Variants in DENND5A observed in about 807,000 individuals in gnomAD.
The protein encoded by DENND5A is DENN domain containing 5A, also known as DENN domain-containing protein 5A.
DENND5A carries 64 observed loss-of-function variants against 140.3 expected under a neutral mutation model. The ratio of observed to expected loss-of-function variants is 0.46; its 90% CI spans 0.37 to 0.56. DENND5A has a LOEUF of 0.56. Ranked by LOEUF, DENND5A falls within the 20% of genes least tolerant of loss-of-function variation. The pLI, the probability that DENND5A is intolerant of heterozygous loss-of-function variation, is 0.00. For missense variants in DENND5A, 1,292 were observed against 1,593.8 expected (o/e 0.81, Z 3.22); for synonymous variants, 605 against 607.7 (o/e 1.00, Z 0.07).
chr11:9,230,230 CTTTTTTTTTTTTTTT>C (rs71062817), intron 1 of DENND5A, among the ~76,000 whole-genome samples: 3 of 52,062 alleles, frequency 5.8e-5, no homozygotes, highest in African/African-American at 1.8e-4. Flanking sequence ...AAAACTAATG[CTTTTTTTTTTTTTTT>C]TTTTTTTTTT....
chr11:9,182,337 C>A (rs754871845), intron 5 of DENND5A, among the ~76,000 whole-genome samples: 4 of 152,032 alleles, frequency 2.6e-5, no homozygotes, highest in African/African-American at 9.7e-5. Flanking sequence ...TAACAAAAAA[C>A]CCCCACAGTA....
intron 1 of DENND5A, 46 bp from the exon 2 acceptor site, chr11:9,207,678 A>C: frequency 7.2e-7 from 1 of 1,391,902 alleles, no homozygotes; most frequent in Non-Finnish European, 1.0e-6. Flanking sequence ...AAGCAGTGTT[A>C]TTCAAACTTT....
intron 1 of DENND5A, among the ~76,000 whole-genome samples, chr11:9,232,427 G>C (rs1356133003): frequency 6.6e-6 from 1 of 152,040 alleles, no homozygotes; most frequent in African/African-American, 2.4e-5. Context: ...CAAAAGCCCT[G>C]AATAGATACT....
chr11:9,242,861 G>C (rs996642327), intron 1 of DENND5A: 6 of 151,304 alleles, frequency 4.0e-5, no homozygotes, highest in African/African-American at 1.5e-4. Context: ...AGGCCGAGGC[G>C]GGTGGATAAC....
At chr11:9,149,157 C>T (rs540530535) in intron 15 of DENND5A, among the ~76,000 whole-genome samples, 6 of 152,266 alleles carry the variant, frequency 3.9e-5, no homozygotes, top group Non-Finnish European at 7.3e-5. Context: ...TTCAGTGGGT[C>T]CCATGAATAC....
intron 5 of DENND5A, among the ~76,000 whole-genome samples, chr11:9,182,781 A>T (rs1244778675): frequency 6.6e-6 from 1 of 152,200 alleles, no homozygotes; most frequent in African/African-American, 2.4e-5. Context: ...GGAGGAATAG[A>T]AAGAGACTGA....
intron 1 of DENND5A, among the ~76,000 whole-genome samples, chr11:9,230,741 C>T (rs986405706): frequency 7.2e-5 from 11 of 151,986 alleles, no homozygotes; most frequent in African/African-American, 2.7e-4. Flanking sequence ...ATCTGTAATC[C>T]CAGAATTTTG....
At chr11:9,213,846 G>GGGGACAA (rs1282167252) in intron 1 of DENND5A, among the ~76,000 whole-genome samples, 1 of 147,028 alleles carries the variant, frequency 6.8e-6, no homozygotes, top group Non-Finnish European at 1.5e-5. Context: ...GAGCCAGGGA[G>GGGGACAA]GGGACAAGGG....
chr11:9,141,127 AAAATAAATAAAT>A (rs35402073), intron 22 of DENND5A, among the ~76,000 whole-genome samples: 1 of 151,518 alleles, frequency 6.6e-6, no homozygotes. Flanking sequence ...ACTCCATCTC[AAAATAAATAAAT>A]AAATAAATAA....
At chr11:9,188,456 ACT>A in intron 5 of DENND5A, among the ~76,000 whole-genome samples, 1 of 152,298 alleles carries the variant, frequency 6.6e-6, no homozygotes, top group East Asian at 1.9e-4. Flanking sequence ...CAACATTGAA[ACT>A]GGGTGTCAGG....
intron 12 of DENND5A, among the ~76,000 whole-genome samples, chr11:9,159,313 T>A (rs1010208437): frequency 4.1e-5 from 6 of 147,256 alleles, no homozygotes; most frequent in African/African-American, 7.6e-5. Context: ...TGCTATGAAC[T>A]TTTTTTTCTT....
At chr11:9,145,613 A>G in intron 17 of DENND5A, 57 bp downstream of exon 17, 1 of 1,600,276 alleles carries the variant, frequency 6.2e-7, no homozygotes, top group South Asian at 1.1e-5. Context: ...AAAACTCCCC[A>G]AAGCGGCTGT....
At chr11:9,181,988 C>T (rs916807391) in intron 5 of DENND5A, among the ~76,000 whole-genome samples, 1 of 152,154 alleles carries the variant, frequency 6.6e-6, no homozygotes, top group Admixed American at 6.5e-5. Flanking sequence ...AGAGATAGTG[C>T]TCACACACTG....
At chr11:9,169,082 G>GA (rs1428770824) in intron 10 of DENND5A, among the ~76,000 whole-genome samples, 5 of 149,904 alleles carry the variant, frequency 3.3e-5, no homozygotes, top group Admixed American at 1.3e-4. Context: ...AGAAGAAGAA[G>GA]AAAAAAAAAG....
intron 5 of DENND5A, among the ~76,000 whole-genome samples, chr11:9,188,413 G>A (rs889299107): frequency 7.9e-5 from 12 of 152,186 alleles, no homozygotes; most frequent in African/African-American, 2.9e-4. Flanking sequence ...GTAGAGTGGG[G>A]CGCTGCTTAA....
chr11:9,204,176 G>C lies in DENND5A; in HGVS notation c.433C>G (p.Gln145Glu). Residue 145 changes from glutamine to glutamate, a missense_variant, in exon 4 of 23, where the codon CAG becomes GAG. Gln to Glu is a conservative substitution (Grantham distance 29, BLOSUM62 2). Around this residue, in one of 4 missense-constraint regions of DENND5A, gnomAD observed 566 missense variants for 650.4 expected, o/e 0.87. Transcript: ENST00000328194. ...AGGGTCTGCATTGCACTGCAGATCT[G>C]CTTGCTAGTCACCTCTTCATAAAAT... ...LTFYEEVTSK[Q>E]ICSAMQTLYH... 6.2e-7 allele frequency: 1 copy of C among 1,614,156 alleles called. No individual in the cohort carries two copies. The highest frequency in any genetic ancestry group is 1.7e-5 in the Admixed American group (1 of 60,018).
chr11:9,226,762 T>C (rs1482193113), intron 1 of DENND5A, among the ~76,000 whole-genome samples: 1 of 152,130 alleles, frequency 6.6e-6, no homozygotes, highest in East Asian at 1.9e-4. Flanking sequence ...GGTGAAAATT[T>C]CCCCATAATT....
intron 5 of DENND5A, among the ~76,000 whole-genome samples, chr11:9,189,928 C>T (rs1435260700): frequency 1.1e-4 from 16 of 152,244 alleles, no homozygotes. Context: ...GCGTGAGCCA[C>T]TGTGCCCAGC....
At chr11:9,178,458 T>C (rs1168325315) in intron 7 of DENND5A, 92 bp from the exon 8 acceptor site, 2 of 764,590 alleles carry the variant, frequency 2.6e-6, no homozygotes, top group African/African-American at 3.5e-5. Context: ...TCTCTGAGGC[T>C]GCCTAGGTCT....
Sources: allele counts gnomAD v4.1 joint callset (sites outside exome capture counted in the v4.1 genomes callset), GRCh38; gene constraint gnomAD v4.1.1; regional missense constraint gnomAD v4.1.1; transcripts MANE v1.5; gene names NCBI Gene and HGNC (gene_info 2026-07-23, HGNC 2026-07-21).